ZAR1L: variants seen among roughly 807,000 people sequenced by gnomAD.
ZAR1L encodes the protein protein ZAR1-like.
ZAR1L carries 16 observed loss-of-function variants against 30.0 expected under a neutral mutation model. That is an observed-to-expected ratio of 0.53 (90% CI 0.36 to 0.81). ZAR1L has a LOEUF of 0.81. Among genes scored for constraint, ZAR1L ranks in the 30% least tolerant of loss-of-function variants. The pLI, the probability that ZAR1L is intolerant of heterozygous loss-of-function variation, is 0.00. For missense variants in ZAR1L, 392 were observed against 417.2 expected (o/e 0.94, Z 0.53); for synonymous variants, 197 against 166.8 (o/e 1.18, Z -1.40).
chr13:32,307,893 C>T (rs1029986131), intron 5 of ZAR1L, among the ~76,000 whole-genome samples: 1 of 152,174 alleles, frequency 6.6e-6, no homozygotes, highest in African/African-American at 2.4e-5. Flanking sequence ...ACCTCCTCCT[C>T]CTGGGTTCAA....
chr13:32,311,153 C>G, intron 3 of ZAR1L, 119 bp downstream of exon 3: 2 of 1,226,028 alleles, frequency 1.6e-6, no homozygotes, highest in Non-Finnish European at 2.2e-6. Context: ...AGCTCCCTCT[C>G]CTTCACCAAG....
Position 32,311,872 on chromosome 13 carries a change from T to G in ZAR1L, c.54A>C (p.Thr18=). Residue 18 remains threonine, a synonymous_variant, in exon 3 of 6, where the codon ACA becomes ACC. Coordinates refer to ENST00000533490, the MANE Select transcript of ZAR1L (RefSeq NM_001136571.2). ...AGAGTCCAGGCTGGCCCAAAGGCAC[T>G]GTGCTCCCATAACCCTGGTACAAGC... ...PYGLYQGYGS[T]VPLGQPGLSG... is the part of the protein sequence containing the mutation. 2 of 1,551,696 alleles carry G rather than the reference T, an allele frequency of 1.3e-6. No homozygotes were observed. Among genetic ancestry groups the G allele is most frequent in the Non-Finnish European group, 1.7e-6 (2 of 1,147,004 alleles).
rs1186844492 is a variant in ZAR1L, at chr13:32,311,633, C to A, written c.293G>T (p.Arg98Leu). 6.4e-7 allele frequency: 1 copy of A among 1,551,150 alleles called. No homozygotes were observed. Among genetic ancestry groups the A allele is most frequent in the South Asian group, 1.2e-5 (1 of 84,044 alleles). ...AGAGCACTGCACAGCCTTGTCCACC[C>A]GCGGGCTCACCTGCACGCCCACCTC... ...TKEVGVQVSP[R>L]VDKAVQCSLG... The change falls in exon 3 of 6, where the codon CGG becomes CTG. Residue 98 changes from arginine to leucine, a missense_variant. Arg to Leu is a moderately radical substitution (Grantham distance 102, BLOSUM62 -2). Transcript: ENST00000533490.
At chr13:32,313,029 T>C (rs1267440122) in intron 2 of ZAR1L, among the ~76,000 whole-genome samples, 3 of 152,044 alleles carry the variant, frequency 2.0e-5, no homozygotes, top group Non-Finnish European at 2.9e-5. Context: ...GTCAAATACA[T>C]AGAAGCAGAA....
rs906518845 is a variant in ZAR1L at position 32,311,907 on chromosome 13, C to A, written c.19G>T (p.Val7Phe). 5 of 1,550,012 alleles carry A rather than the reference C, an allele frequency of 3.2e-6. No homozygotes were observed. In the Middle Eastern group the frequency reaches 8.4e-4, roughly 261 times the overall value. The stretch of plus-strand genomic sequence containing the variant: ...TAACCCTGGTACAAGCCATAGGGAA[C>A]ACGGACAAAGCGCTCCATCCGCTCT... MERFVR[V>F]PYGLYQGYGS... Residue 7 changes from valine (V) to phenylalanine (F), a missense_variant, in exon 3 of 6, where the codon GTT becomes TTT. Physicochemically the swap from Val to Phe is conservative, Grantham distance 50. Coordinates refer to ENST00000533490, the MANE Select transcript of ZAR1L (RefSeq NM_001136571.2).
At chr13:32,308,517 A>T (rs367853947) in intron 5 of ZAR1L, among the ~76,000 whole-genome samples, 169 bp downstream of exon 5, 227 of 152,340 alleles carry the variant, frequency 1.5e-3, no homozygotes, top group African/African-American at 5.1e-3. Context: ...TTCCCTTCAA[A>T]AAAGATGCAA....
Position 32,308,768 on chromosome 13 carries a change from G to A in ZAR1L, c.748-8C>T, listed in dbSNP as rs774423657. The A allele has an allele frequency of 3.3e-6, 5 of 1,518,322 alleles. No individual in the cohort carries two copies. The South Asian group carries it at 4.8e-5, about 15-fold the overall frequency. 94.1% of individuals were successfully genotyped at this position (1,518,322 alleles called of 1,614,324 possible). The stretch of plus-strand genomic sequence containing the variant: ...GAGTTGTTTGAAATAAACCTAAAGA[G>A]AAATATGTTTTTTTTTAATACAAGC... On this transcript the variant is annotated splice_polypyrimidine_tract_variant and splice_region_variant and intron_variant, in intron 4 of 5. Transcript: ENST00000533490.
intron 5 of ZAR1L, among the ~76,000 whole-genome samples, chr13:32,306,930 C>CAGAAA (rs2072179927): frequency 1.7e-5 from 1 of 59,088 alleles, no homozygotes; most frequent in Non-Finnish European, 2.8e-5. Flanking sequence ...GACTCTATCT[C>CAGAAA]AAAAAAAAAA....
Position 32,303,750 on chromosome 13 carries a change from C to A in ZAR1L, c.*129G>T. ...CTATTCACATTGTACAATTGTTACA[C>A]AATCTACAAAAAGTACAAAAGCCTA... On this transcript the variant is annotated 3_prime_UTR_variant, in exon 6 of 6. Transcript: ENST00000533490. The A allele has an allele frequency of 1.2e-6, 1 of 847,854 alleles. No homozygotes were observed. The highest frequency in any genetic ancestry group is 1.8e-6 in the Non-Finnish European group (1 of 559,652). The allele number at this position is 847,854 out of a possible 1,614,324, so 52.5% of individuals were successfully genotyped here.
chr13:32,310,768 A>G (rs1244675543), intron 3 of ZAR1L, 37 bp from the exon 4 acceptor site: 1 of 1,348,536 alleles, frequency 7.4e-7, no homozygotes, highest in Non-Finnish European at 1.0e-6. Flanking sequence ...ACCATCATGC[A>G]AGGGGAAAAA....
chr13:32,305,970 T>C (rs1051590316), intron 5 of ZAR1L, among the ~76,000 whole-genome samples: 2 of 152,230 alleles, frequency 1.3e-5, no homozygotes, highest in African/African-American at 4.8e-5. Context: ...ATTGAGTTAA[T>C]GGAGTTCTCT....
chr13:32,314,772 A>T lies in ZAR1L; in HGVS notation c.-389-222T>A, dbSNP rs537738432. 3.9e-5 allele frequency among the ~76,000 whole-genome samples: 6 copies of T among 152,268 alleles called. No individual in the cohort carries two copies. In the East Asian group the frequency reaches 9.7e-4, roughly 24 times the overall value. Reference sequence around the variant, plus strand: ...GAGGCTGAGGCAGGAGAACCACTTGATCCCTGGAGGCGGAAGTTGCGGTGA... The same window carrying T: ...GAGGCTGAGGCAGGAGAACCACTTGTTCCCTGGAGGCGGAAGTTGCGGTGA... On this transcript the variant is annotated intron_variant, in intron 1 of 5. Coordinates refer to ENST00000533490, the MANE Select transcript of ZAR1L (RefSeq NM_001136571.2).
intron 5 of ZAR1L, among the ~76,000 whole-genome samples, chr13:32,305,507 T>A (rs541979416): frequency 4.6e-5 from 7 of 152,222 alleles, no homozygotes; most frequent in African/African-American, 1.7e-4. Context: ...ATTACAGGCG[T>A]GAGCCACTGC....
intron 5 of ZAR1L, among the ~76,000 whole-genome samples, chr13:32,308,093 G>A (rs2072189292): frequency 6.6e-6 from 1 of 152,160 alleles, no homozygotes; most frequent in Admixed American, 6.5e-5. Flanking sequence ...GATCCACCAT[G>A]CCTGGCCTAT....
At chr13:32,304,809 CTTTTTT>C (rs776182055) in intron 5 of ZAR1L, among the ~76,000 whole-genome samples, 60 of 136,136 alleles carry the variant, frequency 4.4e-4, no homozygotes, top group African/African-American at 1.6e-3. Context: ...CAAGATTTAC[CTTTTTT>C]TTTTTTTTTT....
At chr13:32,304,288 G>A (rs181090042) in intron 5 of ZAR1L, among the ~76,000 whole-genome samples, 1 of 152,182 alleles carries the variant, frequency 6.6e-6, no homozygotes, top group Non-Finnish European at 1.5e-5. Flanking sequence ...GAATTTAAGA[G>A]TTTTGTAGAA....
At chr13:32,304,592 G>T (rs532626320) in intron 5 of ZAR1L, among the ~76,000 whole-genome samples, 74 of 152,286 alleles carry the variant, frequency 4.9e-4, no homozygotes, top group African/African-American at 1.7e-3. Context: ...AGGGTATTCT[G>T]GAGGAAACTA....
At chr13:32,309,895 C>A (rs750513963) in intron 4 of ZAR1L, among the ~76,000 whole-genome samples, 24 of 152,230 alleles carry the variant, frequency 1.6e-4, no homozygotes, top group Non-Finnish European at 2.6e-4. Context: ...AAGTTTTCAT[C>A]CGGAACTCAA....
Position 32,312,038 on chromosome 13 carries a change from T to A in ZAR1L, c.-113A>T. ...TTCTCTTCATCAGGTTGGTTCAGATTCATTCCTGGCTTCTCCATTTATTTC... is the reference window on the plus strand; with the variant it reads ...TTCTCTTCATCAGGTTGGTTCAGATACATTCCTGGCTTCTCCATTTATTTC... On this transcript the variant is annotated 5_prime_UTR_variant, in exon 3 of 6. Transcript: ENST00000533490. 1 of 1,224,400 alleles carries A rather than the reference T, an allele frequency of 8.2e-7. No individual in the cohort carries two copies. 75.8% of individuals were successfully genotyped at this position (1,224,400 alleles called of 1,614,324 possible).
Sources: allele counts gnomAD v4.1 joint callset (sites outside exome capture counted in the v4.1 genomes callset), GRCh38; gene constraint gnomAD v4.1.1; transcripts MANE v1.5; gene names NCBI Gene and HGNC (gene_info 2026-07-23, HGNC 2026-07-21).